The following PTPRS variants were observed in gnomAD, a reference collection of about 807,000 sequenced individuals.
PTPRS encodes receptor-type tyrosine-protein phosphatase S.
Under a neutral mutation model 215.3 loss-of-function variants are expected in PTPRS, and 63 were observed. The observed-to-expected ratio is 0.29, with a 90% CI of 0.24 to 0.36. PTPRS has a LOEUF of 0.36. Ranked by LOEUF, PTPRS falls within the 10% of genes least tolerant of loss-of-function variation. The pLI is 1.00. For synonymous variants in PTPRS, 1,404 were observed against 1,191.4 expected (o/e 1.18, Z -3.68); for missense variants, 2,258 against 2,825.8 (o/e 0.80, Z 4.56).
At chr19:5,289,074 T>C (rs2048600636) in intron 1 of PTPRS, among the ~76,000 whole-genome samples, 1 of 151,800 alleles carries the variant, frequency 6.6e-6, no homozygotes, top group Non-Finnish European at 1.5e-5. Context: ...GCCCAGGGAG[T>C]GGGGTTCAGA....
At chr19:5,223,725 G>C (rs1374259789) in intron 17 of PTPRS, among the ~76,000 whole-genome samples, 1 of 151,600 alleles carries the variant, frequency 6.6e-6, no homozygotes, top group Non-Finnish European at 1.5e-5. Flanking sequence ...ACCACGCCTG[G>C]GTAATTTTGT....
chr19:5,231,486 G>A lies in PTPRS; in HGVS notation c.1979C>T (p.Pro660Leu), dbSNP rs200771602. Residue 660 changes from proline (P) to leucine (L), a missense_variant, in exon 14 of 38, where the codon CCG becomes CTG. Pro to Leu is a moderately conservative substitution (Grantham distance 98). Transcript: ENST00000262963. Reference protein sequence around the residue: ...ALVGYSVRYRPLGSEDPEPKE... With the variant: ...ALVGYSVRYRLLGSEDPEPKE... ...GGGTTCCGGGTCCTCTGAGCCCAGC[G>A]GTCGGTAGCGGACGCTGTAGCCCAC... 7.4e-6 allele frequency: 12 copies of A among 1,612,796 alleles called. No individual in the cohort carries two copies. The highest frequency in any genetic ancestry group is 6.7e-5 in the East Asian group (3 of 44,832).
In PTPRS at chr19:5,300,468, T is replaced by C. The variant is rs563516408; in HGVS notation, c.-94-14234A>G. On this transcript the variant is annotated intron_variant, in intron 1 of 37. Transcript: ENST00000262963. ...GAGTACACAGTATATGCTCAATAAA[T>C]GCTTTCTAAATGAAGAAGTGGGGCG... 4.0e-5 allele frequency among the ~76,000 whole-genome samples: 6 copies of C among 151,888 alleles called. No individual in the cohort carries two copies. The East Asian group carries it at 9.7e-4, about 24-fold the overall frequency.
intron 18 of PTPRS, 96 bp from the exon 19 acceptor site, chr19:5,222,316 C>T (rs1441541219): frequency 9.7e-7 from 1 of 1,032,584 alleles, no homozygotes; most frequent in South Asian, 1.3e-5. Context: ...TGGGGCGGCC[C>T]AGGCGCTCCC....
At chr19:5,304,526 G>A (rs2049414139) in intron 1 of PTPRS, among the ~76,000 whole-genome samples, 1 of 152,124 alleles carries the variant, frequency 6.6e-6, no homozygotes, top group African/African-American at 2.4e-5. Context: ...GTGCACGCCT[G>A]TAGTCCCAGC....
intron 9 of PTPRS, among the ~76,000 whole-genome samples, chr19:5,251,225 C>A (rs1428298598): frequency 2.0e-5 from 3 of 152,074 alleles, no homozygotes; most frequent in African/African-American, 7.2e-5. Context: ...AGCCCACCTG[C>A]GTATTTTCTG....
rs1568361062 is a variant in PTPRS, at chr19:5,210,141, C to G, written c.5487+328G>C. Among the ~76,000 whole-genome samples the G allele has an allele frequency of 6.6e-6, 1 of 152,210 alleles. No individual in the cohort carries two copies. Among genetic ancestry groups the G allele is most frequent in the Admixed American group, 6.5e-5 (1 of 15,282 alleles). Reference sequence around the variant, plus strand: ...TGTCCACCGTCTACCACCCCTCACCCTCAATCCCTCAAGTCCCTTTCAGCC... The same window carrying G: ...TGTCCACCGTCTACCACCCCTCACCGTCAATCCCTCAAGTCCCTTTCAGCC... On this transcript the variant is annotated intron_variant, in intron 35 of 37. Transcript: ENST00000262963. The surrounding 1 kb of genome is among the most constrained non-coding windows in gnomAD (Gnocchi z 4.5).
intron 27 of PTPRS, 26 bp downstream of exon 27, chr19:5,215,472 A>C: frequency 8.0e-7 from 1 of 1,243,194 alleles, no homozygotes; most frequent in Non-Finnish European, 1.1e-6. Flanking sequence ...CGAGGTGATG[A>C]GGGTGGGAGG....
At position 5,276,459 on chromosome 19, in the gene PTPRS, G is replaced by A. The variant is rs190919061; in HGVS notation, c.92-2115C>T. Among the ~76,000 whole-genome samples the A allele has an allele frequency of 8.8e-4, 134 of 152,198 alleles. 1 individual carries two copies. Among genetic ancestry groups the A allele is most frequent in the African/African-American group, 3.1e-3 (127 of 41,518 alleles). On this transcript the variant is annotated intron_variant, in intron 2 of 37. Coordinates refer to ENST00000262963, the MANE Select transcript of PTPRS (RefSeq NM_002850.4). ...GGTGGTCTTGAACTCCTGACCTCAAGTGATCCACCTACCTTGGCCTCCCAA... is the reference window on the plus strand; with the variant it reads ...GGTGGTCTTGAACTCCTGACCTCAAATGATCCACCTACCTTGGCCTCCCAA...
chr19:5,335,826 G>A (rs577425330), intron 1 of PTPRS, among the ~76,000 whole-genome samples: 9 of 152,198 alleles, frequency 5.9e-5, no homozygotes, highest in Non-Finnish European at 8.8e-5. Context: ...ACAGGAAGCC[G>A]CACAGAAACC....
Position 5,222,709 on chromosome 19 carries a change from C to G in PTPRS, c.3083G>C (p.Arg1028Pro), listed in dbSNP as rs752731468. 6.3e-7 allele frequency: 1 copy of G among 1,591,698 alleles called. No homozygotes were observed. Among genetic ancestry groups the G allele is most frequent in the African/African-American group, 1.3e-5 (1 of 74,382 alleles). ...CCTACCTTGGTCCCGCAGGAACGTC[C>G]GGTAGCGGACGGGGGGGCTGAAGGG... is the stretch of plus-strand genomic sequence containing the variant. ...PGPFSPPVRY[R>P]TFLRDQVSPK... The change falls in exon 18 of 38, where the codon CGG becomes CCG. Residue 1028 changes from arginine to proline, a missense_variant. Coordinates refer to ENST00000262963, the MANE Select transcript of PTPRS (RefSeq NM_002850.4).
rs2046144103 is a variant in PTPRS, at chr19:5,263,216, G to A, written c.569-244C>T. Among the ~76,000 whole-genome samples, 4 of 152,158 alleles carry A rather than the reference G, an allele frequency of 2.6e-5. No individual in the cohort carries two copies. The South Asian group carries it at 8.3e-4, about 31-fold the overall frequency. On this transcript the variant is annotated intron_variant, in intron 5 of 37. Coordinates refer to ENST00000262963, the MANE Select transcript of PTPRS (RefSeq NM_002850.4). ...AAGGAAAATAGGCATGTTTTATGGGGAAACTGAGGCCACCGCTCCCCCTGC... is the reference window on the plus strand; with the variant it reads ...AAGGAAAATAGGCATGTTTTATGGGAAAACTGAGGCCACCGCTCCCCCTGC...
intron 13 of PTPRS, among the ~76,000 whole-genome samples, chr19:5,233,373 C>T (rs1006492160): frequency 2.0e-5 from 3 of 148,298 alleles, no homozygotes; most frequent in Non-Finnish European, 4.5e-5. Context: ...GCACCTACTA[C>T]GTGCCAGGTA....
intron 1 of PTPRS, among the ~76,000 whole-genome samples, chr19:5,318,676 AG>A (rs939442528): frequency 5.9e-5 from 9 of 152,296 alleles, no homozygotes; most frequent in Admixed American, 5.9e-4. Flanking sequence ...TTTGAAAGAC[AG>A]GGTCTCGCTC....
At chr19:5,260,908 G>A (rs1055339873) in intron 6 of PTPRS, 86 bp from the exon 7 acceptor site, 32 of 1,487,102 alleles carry the variant, frequency 2.2e-5, no homozygotes, top group Non-Finnish European at 2.8e-5. Flanking sequence ...GGGCTGGGCC[G>A]TAAGCCAGGC....
At chr19:5,226,295 C>T (rs1253753172) in intron 16 of PTPRS, among the ~76,000 whole-genome samples, 1 of 152,252 alleles carries the variant, frequency 6.6e-6, no homozygotes, top group Non-Finnish European at 1.5e-5. Flanking sequence ...CACAGCCTGC[C>T]TCAGGCCCTT....
intron 8 of PTPRS, among the ~76,000 whole-genome samples, chr19:5,256,349 A>G (rs2045556406): frequency 1.3e-5 from 2 of 151,936 alleles, no homozygotes; most frequent in South Asian, 4.2e-4. Context: ...AAGATCTACT[A>G]CATTTGCCTT....
intron 17 of PTPRS, among the ~76,000 whole-genome samples, chr19:5,223,656 GGGTTCAAGGGATTCTCCTGCCT>G (rs2042218189): frequency 9.0e-6 from 1 of 111,636 alleles, no homozygotes; most frequent in African/African-American, 5.3e-5. Context: ...TCTGCCTCCC[GGGTTCAAGGGATTCTCCTGCCT>G]CAGCCTCCCG....
chr19:5,248,084 T>A (rs1042890699), intron 9 of PTPRS, among the ~76,000 whole-genome samples: 1 of 8,236 alleles, frequency 1.2e-4, no homozygotes, highest in African/African-American at 4.9e-4. Flanking sequence ...GGTGGGGGTG[T>A]GGGGGGAGAA....
Sources: allele counts gnomAD v4.1 joint callset (sites outside exome capture counted in the v4.1 genomes callset), GRCh38; gene constraint gnomAD v4.1.1; non-coding constraint Gnocchi (gnomAD v3.1); transcripts MANE v1.5; gene names NCBI Gene and HGNC (gene_info 2026-07-23, HGNC 2026-07-21).